Variants in AFG2A observed in about 807,000 individuals in gnomAD.
The protein encoded by AFG2A is AAA ATPase AFG2A.
the AFG2A span, among the ~76,000 whole-genome samples, chr4:123,070,430 A>G: frequency 6.6e-6 from 1 of 152,110 alleles, no homozygotes; most frequent in Non-Finnish European, 1.5e-5. Flanking sequence ...AGTGGCTTAG[A>G]AACAAAAGTT....
At chr4:123,163,334 G>A in the AFG2A span, among the ~76,000 whole-genome samples, 5,201 of 152,238 alleles carry the variant, frequency 0.034, 303 homozygotes, top group African/African-American at 0.12. Context: ...TACTCGGGAG[G>A]CTGAGGCAGG....
the AFG2A span, among the ~76,000 whole-genome samples, chr4:123,212,145 C>T: frequency 6.6e-6 from 1 of 152,132 alleles, no homozygotes; most frequent in Non-Finnish European, 1.5e-5. Flanking sequence ...ATTTTTGCCT[C>T]ATCCTTGGTT....
the AFG2A span, among the ~76,000 whole-genome samples, chr4:123,270,416 G>A: frequency 6.6e-6 from 1 of 152,152 alleles, no homozygotes; most frequent in Non-Finnish European, 1.5e-5. Context: ...CTGTGGGGAA[G>A]GGTACTCCCT....
the AFG2A span, among the ~76,000 whole-genome samples, chr4:123,016,929 G>A: frequency 4.0e-5 from 6 of 151,798 alleles, no homozygotes; most frequent in South Asian, 6.2e-4. Flanking sequence ...AGACCAGCCC[G>A]GCCAACACAG....
the AFG2A span, among the ~76,000 whole-genome samples, chr4:123,308,635 CT>C: frequency 6.6e-6 from 1 of 152,198 alleles, no homozygotes; most frequent in Non-Finnish European, 1.5e-5. Context: ...CCTCCGCCCC[CT>C]GTCCATGGAA....
the AFG2A span, among the ~76,000 whole-genome samples, chr4:123,106,275 C>T: frequency 1.3e-5 from 2 of 152,130 alleles, no homozygotes; most frequent in African/African-American, 4.8e-5. Context: ...GTATTGCATA[C>T]TTAGTAGACT....
the AFG2A span, among the ~76,000 whole-genome samples, chr4:123,162,160 G>A: frequency 1.3e-5 from 2 of 152,284 alleles, no homozygotes; most frequent in Middle Eastern, 3.4e-3. Context: ...GATTGTGTCC[G>A]GAAGAGTGTG....
chr4:123,020,358 A>T, the AFG2A span, among the ~76,000 whole-genome samples: 1 of 151,190 alleles, frequency 6.6e-6, no homozygotes, highest in African/African-American at 2.4e-5. Flanking sequence ...AAATACATAT[A>T]TGTGTATGTG....
chr4:123,031,576 T>G, the AFG2A span, among the ~76,000 whole-genome samples: 4 of 152,178 alleles, frequency 2.6e-5, no homozygotes, highest in Non-Finnish European at 5.9e-5. Flanking sequence ...TAGTTTGAAA[T>G]TTTGAAATAA....
the AFG2A span, among the ~76,000 whole-genome samples, chr4:122,953,925 A>G: frequency 6.6e-6 from 1 of 152,202 alleles, no homozygotes; most frequent in Admixed American, 6.5e-5. Context: ...CTAGCACACC[A>G]TACCATTGGT....
the AFG2A span, among the ~76,000 whole-genome samples, chr4:123,244,227 C>T: frequency 1.3e-5 from 2 of 151,994 alleles, no homozygotes; most frequent in Non-Finnish European, 2.9e-5. Flanking sequence ...AGAAAGAAAA[C>T]GCAAGGCAAA....
the AFG2A span, among the ~76,000 whole-genome samples, chr4:123,288,313 T>G: frequency 2.6e-5 from 4 of 152,090 alleles, no homozygotes; most frequent in Non-Finnish European, 5.9e-5. Context: ...GGTGAGAAAT[T>G]ACAACGTGTT....
chr4:123,194,832 G>A, the AFG2A span, among the ~76,000 whole-genome samples: 1 of 152,170 alleles, frequency 6.6e-6, no homozygotes, highest in African/African-American at 2.4e-5. Flanking sequence ...AGCAGGTGTA[G>A]AAGTAGTAAT....
chr4:123,227,696 A>C, the AFG2A span, among the ~76,000 whole-genome samples: 1 of 152,022 alleles, frequency 6.6e-6, no homozygotes, highest in African/African-American at 2.4e-5. Context: ...GGTTGATTTG[A>C]GGTGGAGAGT....
chr4:123,255,715 C>CTTTTTTTTTTT, the AFG2A span, among the ~76,000 whole-genome samples: 2 of 103,910 alleles, frequency 1.9e-5, 1 homozygote, highest in Non-Finnish European at 3.8e-5. Flanking sequence ...TACTGCTTTT[C>CTTTTTTTTTTT]TATTTTTTTT....
chr4:122,978,392 C>T, the AFG2A span, among the ~76,000 whole-genome samples: 1 of 152,212 alleles, frequency 6.6e-6, no homozygotes. Flanking sequence ...GTAGTCCTGA[C>T]ATCCCAGTGA....
the AFG2A span, among the ~76,000 whole-genome samples, chr4:123,302,709 A>G: frequency 6.6e-6 from 1 of 152,134 alleles, no homozygotes; most frequent in African/African-American, 2.4e-5. Flanking sequence ...GAAGGGAGAT[A>G]GACATTTAAC....
At chr4:122,995,469 G>A in the AFG2A span, among the ~76,000 whole-genome samples, 4 of 152,100 alleles carry the variant, frequency 2.6e-5, no homozygotes, top group Admixed American at 2.0e-4. Context: ...TTTTTACCAG[G>A]AAATAGTGCC....
At chr4:123,144,258 A>G in the AFG2A span, among the ~76,000 whole-genome samples, 3 of 152,098 alleles carry the variant, frequency 2.0e-5, no homozygotes, top group African/African-American at 4.8e-5. Flanking sequence ...GTTTAGCTCT[A>G]TATATCTGTT....
Sources: gnomAD v4.1 joint callset for allele counts (sites outside exome capture counted in the v4.1 genomes callset) on GRCh38, gnomAD v4.1.1 for gene constraint, MANE v1.5 for transcripts, NCBI Gene and HGNC (gene_info 2026-07-23, HGNC 2026-07-21) for gene names.